Variants in UBE2E2 observed in about 807,000 individuals in gnomAD.
The protein encoded by UBE2E2 is ubiquitin conjugating enzyme E2 E2, also known as ubiquitin-conjugating enzyme E2 E2.
In UBE2E2, 6 loss-of-function variants were observed where a neutral mutation model predicts 24.7. That is an observed-to-expected ratio of 0.24 (90% CI 0.13 to 0.48). UBE2E2 has a LOEUF of 0.48. Ranked by LOEUF, UBE2E2 falls within the 20% of genes least tolerant of loss-of-function variation. UBE2E2 has a pLI of 0.99. For synonymous variants in UBE2E2, 104 were observed against 83.6 expected (o/e 1.24, Z -1.33); for missense variants, 169 against 245.0 (o/e 0.69, Z 2.07).
intron 3 of UBE2E2, among the ~76,000 whole-genome samples, chr3:23,246,686 A>G (rs1412826277): frequency 1.3e-5 from 2 of 151,152 alleles, no homozygotes; most frequent in African/African-American, 4.9e-5. Flanking sequence ...CAGTAAAGAT[A>G]TTTTGAGCTT....
At chr3:23,479,030 G>C (rs1327336626) in intron 3 of UBE2E2, among the ~76,000 whole-genome samples, 2 of 152,272 alleles carry the variant, frequency 1.3e-5, no homozygotes, top group East Asian at 3.9e-4. Context: ...AGGATCCTTT[G>C]TAATAGTGTC....
chr3:23,387,933 T>C (rs941015151), intron 3 of UBE2E2, among the ~76,000 whole-genome samples: 2 of 152,170 alleles, frequency 1.3e-5, no homozygotes, highest in Non-Finnish European at 2.9e-5. Context: ...AATAACATAC[T>C]GCAAAATTAC....
chr3:23,432,286 G>C (rs1230930571), intron 3 of UBE2E2, among the ~76,000 whole-genome samples: 1 of 152,070 alleles, frequency 6.6e-6, no homozygotes, highest in African/African-American at 2.4e-5. Flanking sequence ...AAGATTGTGA[G>C]CTGAAAGGTA....
chr3:23,523,919 T>C (rs2125477590), intron 4 of UBE2E2, among the ~76,000 whole-genome samples: 1 of 151,830 alleles, frequency 6.6e-6, no homozygotes, highest in South Asian at 2.1e-4. Context: ...TAGAGCTTTG[T>C]TACATGATTT....
At chr3:23,479,731 C>G (rs1257119512) in intron 3 of UBE2E2, among the ~76,000 whole-genome samples, 1 of 152,160 alleles carries the variant, frequency 6.6e-6, no homozygotes, top group Non-Finnish European at 1.5e-5. Context: ...CTCCTTTTTG[C>G]AGGCAGCTTG....
At chr3:23,245,988 C>G (rs1229241668) in intron 3 of UBE2E2, among the ~76,000 whole-genome samples, 1 of 152,162 alleles carries the variant, frequency 6.6e-6, no homozygotes, top group African/African-American at 2.4e-5. Context: ...CAGGAGACTT[C>G]AGGTGAATAG....
At chr3:23,266,592 A>G (rs953239786) in intron 3 of UBE2E2, among the ~76,000 whole-genome samples, 5 of 151,770 alleles carry the variant, frequency 3.3e-5, no homozygotes, top group South Asian at 2.1e-4. Flanking sequence ...CTTCATTTCA[A>G]CTTTGCTGAA....
At chr3:23,425,606 C>T (rs1471615788) in intron 3 of UBE2E2, among the ~76,000 whole-genome samples, 1 of 152,078 alleles carries the variant, frequency 6.6e-6, no homozygotes, top group Non-Finnish European at 1.5e-5. Context: ...ATACAGAGAA[C>T]AGGAGCAGAA....
intron 3 of UBE2E2, among the ~76,000 whole-genome samples, chr3:23,315,902 A>C (rs550120505): frequency 7.2e-4 from 109 of 152,104 alleles, no homozygotes; most frequent in Middle Eastern, 6.8e-3. Flanking sequence ...GGTCTTTGTT[A>C]AGATCTGGAG....
At chr3:23,208,966 A>G in intron 2 of UBE2E2, 91 bp downstream of exon 2, 2 of 1,330,368 alleles carry the variant, frequency 1.5e-6, no homozygotes, top group Non-Finnish European at 2.0e-6. Context: ...TTTTTCTGGG[A>G]TGTCGGCCGT....
intron 3 of UBE2E2, among the ~76,000 whole-genome samples, chr3:23,478,879 A>AATAT (rs564828153): frequency 2.3e-3 from 281 of 120,354 alleles, no homozygotes; most frequent in African/African-American, 8.2e-3. Context: ...CATCTGTACA[A>AATAT]ATATATATAT....
intron 3 of UBE2E2, among the ~76,000 whole-genome samples, chr3:23,360,588 A>G: frequency 6.6e-6 from 1 of 152,202 alleles, no homozygotes; most frequent in East Asian, 1.9e-4. Context: ...CGGGGGACCT[A>G]TCAGGACTAG....
At chr3:23,483,656 T>G (rs945843731) in intron 3 of UBE2E2, among the ~76,000 whole-genome samples, 1 of 152,212 alleles carries the variant, frequency 6.6e-6, no homozygotes, top group African/African-American at 2.4e-5. Context: ...AAATGTAGTT[T>G]CTCATTCAGT....
At chr3:23,524,692 GCTA>G (rs1694951705) in intron 4 of UBE2E2, among the ~76,000 whole-genome samples, 1 of 152,116 alleles carries the variant, frequency 6.6e-6, no homozygotes, top group Non-Finnish European at 1.5e-5. Context: ...ATCCAAGAAT[GCTA>G]CTGTGTTCTT....
chr3:23,265,109 A>G (rs150953628), intron 3 of UBE2E2, among the ~76,000 whole-genome samples: 3 of 152,294 alleles, frequency 2.0e-5, no homozygotes, highest in Non-Finnish European at 4.4e-5. Context: ...AAAGGACCAG[A>G]TGTGGGAGGA....
At chr3:23,417,977 A>G (rs988192547) in intron 3 of UBE2E2, among the ~76,000 whole-genome samples, 1 of 152,128 alleles carries the variant, frequency 6.6e-6, no homozygotes, top group Admixed American at 6.5e-5. Flanking sequence ...AAGCCAGTGG[A>G]TCTTAGCTTG....
intron 3 of UBE2E2, among the ~76,000 whole-genome samples, chr3:23,358,080 C>G (rs1696013260): frequency 6.6e-6 from 1 of 152,170 alleles, no homozygotes; most frequent in Non-Finnish European, 1.5e-5. Context: ...GAGTGATCAG[C>G]CTGCCTTGGC....
At chr3:23,441,851 G>C (rs147359646) in intron 3 of UBE2E2, among the ~76,000 whole-genome samples, 2 of 152,264 alleles carry the variant, frequency 1.3e-5, no homozygotes, top group African/African-American at 2.4e-5. Context: ...GTCAGAAAAT[G>C]AAACTCTTCA....
intron 3 of UBE2E2, among the ~76,000 whole-genome samples, chr3:23,365,980 T>C (rs1374200572): frequency 6.6e-6 from 1 of 152,130 alleles, no homozygotes; most frequent in East Asian, 1.9e-4. Flanking sequence ...TCATCTGATC[T>C]TTGACAAAGT....
Sources: allele counts gnomAD v4.1 joint callset (sites outside exome capture counted in the v4.1 genomes callset), GRCh38; gene constraint gnomAD v4.1.1; transcripts MANE v1.5; gene names NCBI Gene and HGNC (gene_info 2026-07-23, HGNC 2026-07-21).